The following TMIE variants were observed in gnomAD, a reference collection of about 807,000 sequenced individuals.
TMIE encodes the protein transmembrane inner ear expressed protein.
A neutral mutation model predicts 16.8 loss-of-function variants in TMIE; 14 were observed. The observed-to-expected ratio is 0.83, with a 90% CI of 0.55 to 1.30. TMIE has a LOEUF of 1.30. TMIE is among the 50% of genes most tolerant of loss of function. The probability of loss-of-function intolerance (pLI) is 0.00; values close to 1 mark genes in which losing one functional copy is unlikely to be tolerated. For synonymous variants in TMIE, 75 were observed against 87.2 expected (o/e 0.86, Z 0.78); for missense variants, 204 against 205.9 (o/e 0.99, Z 0.06).
At position 46,705,815 on chromosome 3, in the gene TMIE, A is replaced by G; in HGVS notation, c.119A>G (p.Lys40Arg). The change falls in exon 2 of 4, where the codon AAG becomes AGG. Residue 40 changes from lysine (K) to arginine (R), a missense_variant. Lys to Arg is a conservative substitution (Grantham distance 26). Transcript: ENST00000643606. ...CCCAGCACGGCCCCACCCAAGCCCA[A>G]GCCGCCTCCGCTGACCAAGGAGACA... The part of the protein sequence containing the change: ...VEPSTAPPKP[K>R]PPPLTKETVV... 1 of 1,614,094 alleles carries G rather than the reference A, an allele frequency of 6.2e-7. No homozygotes were observed. Among genetic ancestry groups the G allele is most frequent in the Non-Finnish European group, 8.5e-7 (1 of 1,180,038 alleles).
intron 1 of TMIE, among the ~76,000 whole-genome samples, chr3:46,696,387 G>T (rs887777798): frequency 2.0e-5 from 3 of 152,198 alleles, no homozygotes; most frequent in African/African-American, 7.2e-5. Flanking sequence ...ATGTGCACCA[G>T]TGCCTTAGTA....
chr3:46,705,939 A>G (rs1178155630), intron 2 of TMIE, 32 bp downstream of exon 2: 3 of 1,597,578 alleles, frequency 1.9e-6, no homozygotes, highest in African/African-American at 2.7e-5. Flanking sequence ...TCTCCACCAC[A>G]CTGCAGTGGG....
intron 1 of TMIE, among the ~76,000 whole-genome samples, chr3:46,694,799 C>T (rs1043389655): frequency 5.9e-5 from 9 of 152,164 alleles, no homozygotes; most frequent in Non-Finnish European, 1.3e-4. Flanking sequence ...TGCTCTCCTC[C>T]TGGGTCCCAA....
chr3:46,695,437 C>T (rs961009108), intron 1 of TMIE, among the ~76,000 whole-genome samples: 6 of 152,192 alleles, frequency 3.9e-5, no homozygotes, highest in Non-Finnish European at 8.8e-5. Flanking sequence ...TTATGTGGGA[C>T]TCTGAGAGGA....
rs1172349371 is a variant in TMIE, at chr3:46,701,399, C to T, written c.-89C>T. On this transcript the variant is annotated 5_prime_UTR_variant, in exon 1 of 4. Transcript: ENST00000643606. This position sits in a 1 kb window ranked among gnomAD's most constrained non-coding sequence, Gnocchi z 4.3. Reference sequence around the variant, plus strand: ...TCGCTGACTACCCGTGGCCAAAGCCCGTGGCCACCGAGCGCCGGCTGGCAG... The same window carrying T: ...TCGCTGACTACCCGTGGCCAAAGCCTGTGGCCACCGAGCGCCGGCTGGCAG... The T allele has an allele frequency of 9.1e-7, 1 of 1,096,394 alleles. No homozygotes were observed. The highest frequency in any genetic ancestry group is 1.6e-5 in the South Asian group (1 of 63,546). The allele number at this position is 1,096,394 out of a possible 1,614,324, so 67.9% of individuals were successfully genotyped here.
chr3:46,703,096 C>A (rs1700497893), intron 1 of TMIE, among the ~76,000 whole-genome samples: 1 of 152,202 alleles, frequency 6.6e-6, no homozygotes, highest in East Asian at 1.9e-4. Flanking sequence ...CTTAGCTCTT[C>A]CCTCACGGAA....
chr3:46,709,749 G>T lies in TMIE; in HGVS notation c.*61G>T. The T allele has an allele frequency of 6.2e-7, 1 of 1,607,302 alleles. No homozygotes were observed. Among genetic ancestry groups the T allele is most frequent in the Non-Finnish European group, 8.5e-7 (1 of 1,177,228 alleles). On this transcript the variant is annotated 3_prime_UTR_variant, in exon 4 of 4. Coordinates refer to ENST00000643606, the MANE Select transcript of TMIE (RefSeq NM_147196.3). ...AGCTCAAGCCGTGGCCGGGGTCCAG[G>T]CATGTTGGACTCTGAGCTCATTTGG...
Position 46,710,756 on chromosome 3 carries a change from G to C in TMIE, c.*1068G>C, listed in dbSNP as rs937129930. 1 of 152,192 alleles carries C rather than the reference G, an allele frequency of 6.6e-6. No individual in the cohort carries two copies. The highest frequency in any genetic ancestry group is 1.5e-5 in the Non-Finnish European group (1 of 68,052). The allele number at this position is 152,192 out of a possible 1,614,324, so 9.4% of individuals were successfully genotyped here. ...CACAGAGGCACTTCCAGATGGCATC[G>C]AACAGACTAAGGCTCTGAAACCTAG... On this transcript the variant is annotated 3_prime_UTR_variant, in exon 4 of 4. Transcript: ENST00000643606.
intron 1 of TMIE, among the ~76,000 whole-genome samples, chr3:46,705,504 G>A (rs1700540256): frequency 6.6e-6 from 1 of 152,184 alleles, no homozygotes. Flanking sequence ...GTTCATAGGG[G>A]CCTTGAACCT....
At position 46,709,379 on chromosome 3, in the gene TMIE, G is replaced by T. The variant is rs763659531; in HGVS notation, c.361+104G>T. On this transcript the variant is annotated intron_variant, in intron 3 of 3. Coordinates refer to ENST00000643606, the MANE Select transcript of TMIE (RefSeq NM_147196.3). The stretch of plus-strand genomic sequence containing the variant: ...CTCCAACCAAAGCAGGTTCAGGGAG[G>T]GGCCCCAGCCCTGCCCCTGGAGACC... 8 of 1,603,954 alleles carry T rather than the reference G, an allele frequency of 5.0e-6. No homozygotes were observed. The South Asian group carries it at 6.6e-5, about 13-fold the overall frequency.
intron 1 of TMIE, among the ~76,000 whole-genome samples, chr3:46,705,066 C>T (rs894416478): frequency 2.0e-5 from 3 of 151,990 alleles, no homozygotes; most frequent in African/African-American, 7.3e-5. Flanking sequence ...GTCCTCTAGA[C>T]CCTGGGGCAG....
At position 46,703,295 on chromosome 3, in the gene TMIE, AC is replaced by A. The variant is rs146705523; in HGVS notation, c.93+1719del. 5.1e-3 allele frequency among the ~76,000 whole-genome samples: 776 copies of A among 151,988 alleles called. 7 individuals carry two copies. The highest frequency in any genetic ancestry group is 0.018 in the African/African-American group (739 of 41,448). ...TGTCATCTGCTGCCGTCCACCCAAGACCCCTATCAGTAAGAGTAGGCCCAGC... is the reference window on the plus strand; with the variant it reads ...TGTCATCTGCTGCCGTCCACCCAAGACCCTATCAGTAAGAGTAGGCCCAGC... On this transcript the variant is annotated intron_variant, in intron 1 of 3. Coordinates refer to ENST00000643606, the MANE Select transcript of TMIE (RefSeq NM_147196.3).
chr3:46,701,597 G>C lies in TMIE; in HGVS notation c.93+17G>C. The C allele has an allele frequency of 7.8e-7, 1 of 1,283,542 alleles. No homozygotes were observed. Among genetic ancestry groups the C allele is most frequent in the Non-Finnish European group, 9.8e-7 (1 of 1,019,006 alleles). 79.5% of individuals were successfully genotyped at this position (1,283,542 alleles called of 1,614,324 possible). ...CTGGTGGAGGTGAGGCCGCGGCACG[G>C]AGGGACTGGGGAGGCTGTCACCCTC... On this transcript the variant is annotated intron_variant, in intron 1 of 3. Transcript: ENST00000643606. This position sits in a 1 kb window ranked among gnomAD's most constrained non-coding sequence, Gnocchi z 4.3.
At chr3:46,703,257 G>A (rs1700500183) in intron 1 of TMIE, among the ~76,000 whole-genome samples, 1 of 152,146 alleles carries the variant, frequency 6.6e-6, no homozygotes, top group South Asian at 2.1e-4. Context: ...CCCAACATGA[G>A]GAGAAGACCA....
intron 2 of TMIE, among the ~76,000 whole-genome samples, chr3:46,708,466 A>G (rs757718344): frequency 1.3e-5 from 2 of 152,176 alleles, no homozygotes; most frequent in Non-Finnish European, 2.9e-5. Context: ...GGCAGCCCTA[A>G]CCTGCCCTAC....
chr3:46,703,957 C>T (rs773395195), intron 1 of TMIE, among the ~76,000 whole-genome samples: 2 of 152,186 alleles, frequency 1.3e-5, no homozygotes, highest in Non-Finnish European at 2.9e-5. Context: ...GGTTCTCTCT[C>T]CCTCAGAGGA....
chr3:46,699,404 C>T (rs529599941), upstream of TMIE, among the ~76,000 whole-genome samples: 13 of 152,144 alleles, frequency 8.5e-5, no homozygotes, highest in Non-Finnish European at 1.5e-4. Flanking sequence ...TAGCTTTATA[C>T]TTCTGAGGTT....
chr3:46,709,087 A>G (rs948999570), intron 2 of TMIE, 39 bp from the exon 3 acceptor site: 1 of 1,612,976 alleles, frequency 6.2e-7, no homozygotes, highest in Admixed American at 1.7e-5. Flanking sequence ...GGGTCTCTGA[A>G]CCCCAGCCCC....
Position 46,709,605 on chromosome 3 carries a change from A to G in TMIE, c.388A>G (p.Lys130Glu), listed in dbSNP as rs757997662. The change falls in exon 4 of 4, where the codon AAG (lysine) becomes GAG (glutamate). Residue 130 changes from lysine (K) to glutamate (E), a missense_variant. Lys to Glu is a moderately conservative substitution (Grantham distance 56). Coordinates refer to ENST00000643606, the MANE Select transcript of TMIE (RefSeq NM_147196.3). ...GEDKKKKKKKKKDSVDTVAIK... is the reference protein window; with the variant it reads ...GEDKKKKKKKEKDSVDTVAIK... Reference sequence around the variant, plus strand: ...GGATAAGAAGAAGAAGAAGAAGAAGAAGAAGGACAGTGTGGACACAGTGGC... The same window carrying G: ...GGATAAGAAGAAGAAGAAGAAGAAGGAGAAGGACAGTGTGGACACAGTGGC... The G allele has an allele frequency of 1.9e-6, 3 of 1,609,474 alleles. No homozygotes were observed. Among genetic ancestry groups the G allele is most frequent in the East Asian group, 4.5e-5 (2 of 44,852 alleles).
Sources: gnomAD v4.1 joint callset for allele counts (sites outside exome capture counted in the v4.1 genomes callset) on GRCh38, gnomAD v4.1.1 for gene constraint, Gnocchi (gnomAD v3.1) non-coding constraint, MANE v1.5 for transcripts, NCBI Gene and HGNC (gene_info 2026-07-23, HGNC 2026-07-21) for gene names.